The following CCNY variants were observed in gnomAD, a reference collection of about 807,000 sequenced individuals.
CCNY encodes the protein cyclin Y, also known as cyclin-Y.
In CCNY, 19 loss-of-function variants were observed where a neutral mutation model predicts 42.8. The ratio of observed to expected loss-of-function variants is 0.44; its 90% CI spans 0.31 to 0.65. CCNY has a LOEUF of 0.65. Among genes scored for constraint, CCNY ranks in the 30% least tolerant of loss-of-function variants. CCNY has a pLI of 0.07. For synonymous variants in CCNY, 165 were observed against 162.7 expected, an observed-to-expected ratio of 1.01 and a Z score of -0.11; for missense variants, 370 against 437.3, an observed-to-expected ratio of 0.85 and a Z score of 1.37.
intron 1 of CCNY, among the ~76,000 whole-genome samples, chr10:35,464,847 C>G (rs1839225326): frequency 6.6e-6 from 1 of 152,150 alleles, no homozygotes; most frequent in Non-Finnish European, 1.5e-5. Context: ...GACTCAAATG[C>G]CTTTTTTCTA....
At chr10:35,393,075 A>G (rs1465749483) in intron 1 of CCNY, among the ~76,000 whole-genome samples, 1 of 152,042 alleles carries the variant, frequency 6.6e-6, no homozygotes, top group Non-Finnish European at 1.5e-5. Context: ...CATTGGTGCT[A>G]AGTCCCCAGC....
chr10:35,314,112 G>A (rs937751777), intron 3 of CCNY, among the ~76,000 whole-genome samples: 2 of 151,004 alleles, frequency 1.3e-5, no homozygotes, highest in Non-Finnish European at 2.9e-5. Flanking sequence ...AAATAAAAAC[G>A]AGCTGTAATC....
At chr10:35,291,819 G>A (rs1835417285) in intron 3 of CCNY, among the ~76,000 whole-genome samples, 1 of 152,176 alleles carries the variant, frequency 6.6e-6, no homozygotes, top group South Asian at 2.1e-4. Flanking sequence ...ACAGGCATGA[G>A]CCACCGTGCC....
intron 1 of CCNY, among the ~76,000 whole-genome samples, chr10:35,372,027 T>C (rs1836948102): frequency 1.3e-5 from 2 of 152,216 alleles, no homozygotes; most frequent in African/African-American, 4.8e-5. Flanking sequence ...AGACCACTCC[T>C]GTGTGAGACT....
intron 2 of CCNY, among the ~76,000 whole-genome samples, chr10:35,487,139 C>T (rs370593535): frequency 3.3e-5 from 5 of 152,176 alleles, no homozygotes; most frequent in African/African-American, 9.7e-5. Context: ...TGTGATAATT[C>T]GTCACTTGGA....
At chr10:35,373,941 C>T (rs1836994797) in intron 1 of CCNY, among the ~76,000 whole-genome samples, 2 of 150,712 alleles carry the variant, frequency 1.3e-5, no homozygotes, top group South Asian at 4.2e-4. Context: ...TCTCAAGTGC[C>T]CCATACAAAT....
chr10:35,259,150 A>G (rs1306350034), intron 3 of CCNY, among the ~76,000 whole-genome samples: 1 of 152,164 alleles, frequency 6.6e-6, no homozygotes, highest in Non-Finnish European at 1.5e-5. Flanking sequence ...ATTGTTATCT[A>G]GATAGGGAGA....
At position 35,479,556 on chromosome 10, in the gene CCNY, T is replaced by C. The variant is rs1303349174; in HGVS notation, c.155-3848T>C. Among the ~76,000 whole-genome samples, 7 of 122,440 alleles carry C rather than the reference T, an allele frequency of 5.7e-5. 1 individual carries two copies. In the South Asian group the frequency reaches 1.8e-3, roughly 31 times the overall value. The allele number at this position is 122,440 out of a possible 152,430, so 80.3% of individuals were successfully genotyped here. On this transcript the variant is annotated intron_variant, in intron 1 of 9. Coordinates refer to ENST00000374704, the MANE Select transcript of CCNY (RefSeq NM_145012.6). ...TCACTCATAGGTGGGAATTGAACAA[T>C]GAGAACACATGGACACAGGAAGGGG...
intron 2 of CCNY, among the ~76,000 whole-genome samples, chr10:35,493,120 C>T (rs1228419644): frequency 2.0e-5 from 3 of 152,166 alleles, no homozygotes; most frequent in Non-Finnish European, 4.4e-5. Flanking sequence ...ATCCCTTGGG[C>T]TTTCCAGTGT....
At chr10:35,405,755 G>A (rs74439917) in intron 1 of CCNY, among the ~76,000 whole-genome samples, 1 of 152,200 alleles carries the variant, frequency 6.6e-6, no homozygotes, top group Non-Finnish European at 1.5e-5. Flanking sequence ...GGGGGCTTCC[G>A]AGGCTATTGG....
At chr10:35,492,993 T>TG (rs758027644) in intron 2 of CCNY, among the ~76,000 whole-genome samples, 113 of 150,230 alleles carry the variant, frequency 7.5e-4, no homozygotes, top group South Asian at 5.7e-3. Context: ...TTGAGGTGCA[T>TG]GGGGGGGGGA....
chr10:35,375,794 C>T (rs1040485108), intron 1 of CCNY, among the ~76,000 whole-genome samples: 2 of 152,076 alleles, frequency 1.3e-5, no homozygotes, highest in Admixed American at 6.6e-5. Flanking sequence ...AGGTTCTTAG[C>T]ATCAGGAAGG....
chr10:35,536,730 G>A (rs1053768851), intron 7 of CCNY, among the ~76,000 whole-genome samples: 4 of 152,170 alleles, frequency 2.6e-5, no homozygotes, highest in African/African-American at 7.2e-5. Context: ...TGAGAGAGAT[G>A]ATTTAGGGTA....
At chr10:35,508,614 G>A (rs1026285279) in intron 3 of CCNY, among the ~76,000 whole-genome samples, 17 of 152,118 alleles carry the variant, frequency 1.1e-4, no homozygotes, top group African/African-American at 4.1e-4. Flanking sequence ...GTGTAGCTAG[G>A]AAACAGACAT....
intron 3 of CCNY, among the ~76,000 whole-genome samples, chr10:35,267,243 G>A (rs528024316): frequency 7.2e-5 from 11 of 151,750 alleles, no homozygotes; most frequent in South Asian, 6.3e-4. Context: ...AGGAGTTTGC[G>A]GTTGCAGTGA....
rs116800984 is a variant in CCNY at position 35,267,648 on chromosome 10, C to G, written c.-9+17022C>G. 3.1e-3 allele frequency among the ~76,000 whole-genome samples: 465 copies of G among 152,280 alleles called. 2 individuals are homozygous for G. Among genetic ancestry groups the G allele is most frequent in the African/African-American group, 0.011 (445 of 41,556 alleles). ...AAGACGATGGGGCCCTGGTTGCTCC[C>G]TCTTGTGACAGAAAACACTGCTTCC... On this transcript the variant is annotated intron_variant, in intron 3 of 11. Transcript: ENST00000374706.
intron 7 of CCNY, among the ~76,000 whole-genome samples, chr10:35,547,413 G>GCCT (rs1472638622): frequency 6.6e-6 from 1 of 152,068 alleles, no homozygotes; most frequent in East Asian, 1.9e-4. Context: ...TTCCAGTGCA[G>GCCT]TTACAATGCC....
intron 3 of CCNY, among the ~76,000 whole-genome samples, chr10:35,280,326 AAAGAAAGAAAGG>A (rs1202731590): frequency 6.6e-6 from 1 of 151,362 alleles, no homozygotes. Context: ...GGAAAGAAGG[AAAGAAAGAAAGG>A]AAGAAAGGAA....
intron 1 of CCNY, among the ~76,000 whole-genome samples, chr10:35,377,863 T>G (rs1837089288): frequency 6.6e-6 from 1 of 152,222 alleles, no homozygotes; most frequent in African/African-American, 2.4e-5. Flanking sequence ...AATGTCTGGT[T>G]AGTAGGAGGC....
Sources: allele counts gnomAD v4.1 joint callset (sites outside exome capture counted in the v4.1 genomes callset), GRCh38; gene constraint gnomAD v4.1.1; transcripts MANE v1.5; gene names NCBI Gene and HGNC (gene_info 2026-07-23, HGNC 2026-07-21).